PICALM: variants seen among roughly 807,000 people sequenced by gnomAD.
The protein encoded by PICALM is phosphatidylinositol binding clathrin assembly protein, also known as phosphatidylinositol-binding clathrin assembly protein.
PICALM carries 40 observed loss-of-function variants against 80.5 expected under a neutral mutation model. The ratio of observed to expected loss-of-function variants is 0.50; its 90% CI spans 0.39 to 0.65. The LOEUF (loss-of-function observed/expected upper bound fraction) is 0.65. Among genes scored for constraint, PICALM ranks in the 30% least tolerant of loss-of-function variants. The probability of loss-of-function intolerance (pLI) is 0.00; values close to 1 mark genes in which losing one functional copy is unlikely to be tolerated. For synonymous variants in PICALM, 288 were observed against 260.3 expected, an observed-to-expected ratio of 1.11 and a Z score of -1.02; for missense variants, 676 against 778.9, an observed-to-expected ratio of 0.87 and a Z score of 1.57.
chr11:86,036,245 C>A (rs943612103), intron 1 of PICALM, among the ~76,000 whole-genome samples: 3 of 152,034 alleles, frequency 2.0e-5, no homozygotes, highest in African/African-American at 7.2e-5. Context: ...GGCAAATTTG[C>A]CTAGTCGTAA....
Position 85,977,818 on chromosome 11 carries a change from A to C in PICALM, c.1780-1136T>G, listed in dbSNP as rs1199159463. ...GTGCATAGTGGCAGCACAGATACAC[A>C]CACAGACACCCAGCCATCTGGCAGC... On this transcript the variant is annotated intron_variant, in intron 17 of 19. Transcript: ENST00000393346. Among the ~76,000 whole-genome samples, 4 of 152,190 alleles carry C rather than the reference A, an allele frequency of 2.6e-5. No individual in the cohort carries two copies. In the East Asian group the frequency reaches 7.7e-4, roughly 29 times the overall value.
chr11:86,052,513 T>C (rs1022386985), intron 1 of PICALM, among the ~76,000 whole-genome samples: 5 of 152,230 alleles, frequency 3.3e-5, no homozygotes, highest in African/African-American at 9.6e-5. Flanking sequence ...ACTTCTTCAA[T>C]GATTCCTGTG....
rs796380207 is a variant in PICALM, at chr11:85,997,029, G to A, written c.1155-100C>T. 4 of 625,600 alleles carry A rather than the reference G, an allele frequency of 6.4e-6. No homozygotes were observed. In the African/African-American group the frequency reaches 7.5e-5, roughly 12 times the overall value. The allele number at this position is 625,600 out of a possible 1,614,324, so 38.8% of individuals were successfully genotyped here. On this transcript the variant is annotated intron_variant, in intron 11 of 19. Transcript: ENST00000393346. The stretch of plus-strand genomic sequence containing the variant: ...CCACAGATAAAAACATTAAAAACAA[G>A]GGAGAAAAGTCTCATTAATATAAAT...
chr11:85,963,257 C>A (rs79551834), intron 19 of PICALM, among the ~76,000 whole-genome samples: 1,876 of 152,252 alleles, frequency 0.012, 41 homozygotes, highest in African/African-American at 0.043. Flanking sequence ...TCAAATTTTA[C>A]AAGAGAGCAT....
chr11:85,958,364 A>AT lies in PICALM; in HGVS notation c.*681dup, dbSNP rs1162753866. On this transcript the variant is annotated 3_prime_UTR_variant, in exon 20 of 20. Transcript: ENST00000393346. ...TGCCTTAAAATATTTAGTGCTCTGT[A>AT]TGTCAGCTGAGAAAAGCATTCTGAA... 4.7e-6 allele frequency: 1 copy of AT among 212,716 alleles called. No homozygotes were observed. The allele number at this position is 212,716 out of a possible 1,614,324, so 13.2% of individuals were successfully genotyped here.
At chr11:85,978,188 C>T in intron 17 of PICALM, 2 of 1,014,092 alleles carry the variant, frequency 2.0e-6, no homozygotes, top group Non-Finnish European at 3.1e-6. Context: ...CATTTTAGTT[C>T]ACATGTACAT....
rs2094432969 is a variant in PICALM, at chr11:85,981,209, G to A, written c.1699C>T (p.Pro567Ser). The A allele has an allele frequency of 1.3e-6, 2 of 1,590,644 alleles. No homozygotes were observed. Among genetic ancestry groups the A allele is most frequent in the Non-Finnish European group, 1.7e-6 (2 of 1,158,636 alleles). The change falls in exon 17 of 20, where the codon CCA becomes TCA. Residue 567 changes from proline (P) to serine (S), a missense_variant. Pro to Ser is a moderately conservative substitution (Grantham distance 74, BLOSUM62 -1). This residue lies in a region of PICALM where 391 missense variants were observed against 383.6 expected (regional missense o/e 1.02). Coordinates refer to ENST00000393346, the MANE Select transcript of PICALM (RefSeq NM_007166.4). ...TTKNDVNWSQ[P>S]GEKKLTGGSN... Reference sequence around the variant, plus strand: ...CCCCCAGTTAACTTCTTTTCACCTGGTTGACTCCAATTTACATCACTTTAA... The same window carrying A: ...CCCCCAGTTAACTTCTTTTCACCTGATTGACTCCAATTTACATCACTTTAA...
chr11:85,964,939 T>A (rs1197887701), intron 19 of PICALM, among the ~76,000 whole-genome samples: 1 of 152,368 alleles, frequency 6.6e-6, no homozygotes, highest in Non-Finnish European at 1.5e-5. Context: ...GTCCTATTTT[T>A]AAAAATTCCT....
At chr11:85,974,403 G>C (rs574015523) in intron 19 of PICALM, 72 of 535,202 alleles carry the variant, frequency 1.3e-4, no homozygotes, top group Admixed American at 3.7e-4. Context: ...GTTCACAAAG[G>C]ATACTACACC....
intron 1 of PICALM, among the ~76,000 whole-genome samples, chr11:86,065,900 A>T (rs2096441347): frequency 6.6e-6 from 1 of 152,004 alleles, no homozygotes; most frequent in Non-Finnish European, 1.5e-5. Flanking sequence ...GACAGAAACC[A>T]CCTCCACACT....
chr11:86,049,362 C>T (rs776265198), intron 1 of PICALM, among the ~76,000 whole-genome samples: 3 of 152,150 alleles, frequency 2.0e-5, no homozygotes, highest in Non-Finnish European at 2.9e-5. Context: ...ATCCAGTTAA[C>T]TTATTTTATC....
intron 1 of PICALM, among the ~76,000 whole-genome samples, chr11:86,064,021 C>T (rs1003291330): frequency 1.3e-5 from 2 of 152,128 alleles, no homozygotes; most frequent in Admixed American, 6.5e-5. Context: ...AAACTAAGCA[C>T]CCATAAGATA....
Position 86,068,818 on chromosome 11 carries a change from C to A in PICALM, c.-38G>T. 1.9e-6 allele frequency: 3 copies of A among 1,567,590 alleles called. No homozygotes were observed. In the South Asian group the frequency reaches 3.4e-5, roughly 18 times the overall value. The stretch of plus-strand genomic sequence containing the variant: ...TCCACCACCCCACCCGCTCAGCAGC[C>A]GGCGGGGACTGGGACCCCCAAGAGC... On this transcript the variant is annotated 5_prime_UTR_variant, in exon 1 of 20. Transcript: ENST00000393346.
intron 19 of PICALM, among the ~76,000 whole-genome samples, chr11:85,961,086 G>C (rs1335159589): frequency 6.6e-6 from 1 of 151,648 alleles, no homozygotes; most frequent in Non-Finnish European, 1.5e-5. Flanking sequence ...GTGTGTATGG[G>C]GGGTGGTGGG....
intron 1 of PICALM, among the ~76,000 whole-genome samples, chr11:86,056,636 A>G (rs1036604890): frequency 3.3e-5 from 5 of 152,218 alleles, no homozygotes; most frequent in Admixed American, 1.3e-4. Flanking sequence ...AAAGTTACAC[A>G]GAATTACCAT....
chr11:86,008,401 C>T (rs958821549), intron 7 of PICALM, among the ~76,000 whole-genome samples: 6 of 151,920 alleles, frequency 3.9e-5, no homozygotes, highest in Non-Finnish European at 5.9e-5. Flanking sequence ...GTGGGCGGAT[C>T]ACGAGGTCAG....
At position 85,976,699 on chromosome 11, in the gene PICALM, A is replaced by G. The variant is rs868652725; in HGVS notation, c.1780-17T>C. Reference sequence around the variant, plus strand: ...AGGGGGTGCCTAACATAGTGAAAGGAAAAATGAACAAGAAAGTATAACTCA... The same window carrying G: ...AGGGGGTGCCTAACATAGTGAAAGGGAAAATGAACAAGAAAGTATAACTCA... On this transcript the variant is annotated splice_polypyrimidine_tract_variant and intron_variant, in intron 17 of 19. Coordinates refer to ENST00000393346, the MANE Select transcript of PICALM (RefSeq NM_007166.4). The G allele has an allele frequency of 2.7e-6, 4 of 1,484,384 alleles. No individual in the cohort carries two copies. The Middle Eastern group carries it at 5.2e-4, about 192-fold the overall frequency. 92.0% of individuals were successfully genotyped at this position (1,484,384 alleles called of 1,614,324 possible).
chr11:86,024,176 A>G (rs950031892), intron 3 of PICALM, among the ~76,000 whole-genome samples: 1 of 152,062 alleles, frequency 6.6e-6, no homozygotes, highest in Non-Finnish European at 1.5e-5. Context: ...CAAAGAAAAA[A>G]AAAATTTTTT....
chr11:85,971,719 G>A (rs189461084), intron 19 of PICALM, among the ~76,000 whole-genome samples: 251 of 150,000 alleles, frequency 1.7e-3, no homozygotes, highest in African/African-American at 6.0e-3. Flanking sequence ...CTGGGTGACA[G>A]AGCAAGACCC....
Sources: allele counts gnomAD v4.1 joint callset (sites outside exome capture counted in the v4.1 genomes callset), GRCh38; gene constraint gnomAD v4.1.1; regional missense constraint gnomAD v4.1.1; transcripts MANE v1.5; gene names NCBI Gene and HGNC (gene_info 2026-07-23, HGNC 2026-07-21).